The following KCNQ2 variants were observed in gnomAD, a reference collection of about 807,000 sequenced individuals.
KCNQ2 encodes potassium voltage-gated channel subfamily Q member 2, also known as potassium voltage-gated channel subfamily KQT member 2.
Under a neutral mutation model 84.8 loss-of-function variants are expected in KCNQ2, and 14 were observed. That is an observed-to-expected ratio of 0.17 (90% CI 0.11 to 0.26). The LOEUF (loss-of-function observed/expected upper bound fraction) is 0.26, where lower values mean the gene tolerates loss of function less well. Ranked by LOEUF, KCNQ2 falls within the 10% of genes least tolerant of loss-of-function variation. The probability of loss-of-function intolerance (pLI) is 1.00; values close to 1 mark genes in which losing one functional copy is unlikely to be tolerated. For synonymous variants in KCNQ2, 599 were observed against 554.1 expected (o/e 1.08, Z -1.14); for missense variants, 788 against 1,254.0 (o/e 0.63, Z 5.61).
intron 9 of KCNQ2, 27 bp from the exon 10 acceptor site, chr20:63,428,462 G>A (rs1323765629): frequency 4.5e-6 from 7 of 1,563,242 alleles, no homozygotes; most frequent in South Asian, 2.3e-5. Context: ...AGAGGGGAGT[G>A]AGCGTCTCAC....
At position 63,408,581 on chromosome 20, in the gene KCNQ2, G is replaced by C. The variant is rs899150809; in HGVS notation, c.1764-45C>G. On this transcript the variant is annotated intron_variant, in intron 15 of 16. Transcript: ENST00000359125. The surrounding 1 kb of genome is among the most constrained non-coding windows in gnomAD (Gnocchi z 5.0). ...CAAAGCATGAGTTCGGGTGGGTGCA[G>C]CAGGGCCCCTGCCCTCTCCTCCTGG... 1.5e-5 allele frequency: 24 copies of C among 1,602,794 alleles called. No individual in the cohort carries two copies. The highest frequency in any genetic ancestry group is 2.0e-5 in the Non-Finnish European group (24 of 1,176,770).
In KCNQ2 at chr20:63,400,308, G is replaced by A. The variant is rs2079783174; in HGVS notation, c.*6336C>T. 6 of 266,678 alleles carry A rather than the reference G, an allele frequency of 2.2e-5. No individual in the cohort carries two copies. Among genetic ancestry groups the A allele is most frequent in the African/African-American group, 4.4e-5 (2 of 45,350 alleles). The allele number at this position is 266,678 out of a possible 1,614,324, so 16.5% of individuals were successfully genotyped here. A position where few individuals can be genotyped will look rare whatever the true frequency, so the allele number is the denominator to read the frequency against. Reference sequence around the variant, plus strand: ...ATCCCCAGAACCTTCCACGGCCATCGCGGCCGCAGGACCCCACACCCGAAG... The same window carrying A: ...ATCCCCAGAACCTTCCACGGCCATCACGGCCGCAGGACCCCACACCCGAAG... On this transcript the variant is annotated 3_prime_UTR_variant, in exon 17 of 17. Transcript: ENST00000359125. This position sits in a 1 kb window ranked among gnomAD's most constrained non-coding sequence, Gnocchi z 8.7.
intron 12 of KCNQ2, among the ~76,000 whole-genome samples, chr20:63,416,611 C>T (rs2082516688): frequency 6.6e-6 from 1 of 152,172 alleles, no homozygotes; most frequent in East Asian, 1.9e-4. Context: ...GTGGGGAGGC[C>T]CCGCAGATCC....
Position 63,414,161 on chromosome 20 carries a change from C to T in KCNQ2, c.1558G>A (p.Asp520Asn), listed in dbSNP as rs756126867. The T allele has an allele frequency of 6.2e-7, 1 of 1,613,758 alleles. No individual in the cohort carries two copies. Among genetic ancestry groups the T allele is most frequent in the South Asian group, 1.1e-5 (1 of 91,082 alleles). ...ACAAACTCGCAGGGGCAGCTCTTGT[C>T]ATCCACAATGTCCTCTCCGGGGAGG... Reference protein sequence around the residue: ...ASLPGEDIVDDKSCPCEFVTE... With the variant: ...ASLPGEDIVDNKSCPCEFVTE... Residue 520 changes from aspartate (D) to asparagine (N), a missense_variant, in exon 14 of 17, where the codon GAC (aspartate) becomes AAC (asparagine). Physicochemically the swap from Asp to Asn is conservative, Grantham distance 23. Transcript: ENST00000359125. The surrounding 1 kb of genome is among the most constrained non-coding windows in gnomAD (Gnocchi z 6.6).
In KCNQ2 at chr20:63,443,200, CCAT is replaced by C. The variant is rs1322029108; in HGVS notation, c.691-672_691-670del. Among the ~76,000 whole-genome samples, 104 of 117,156 alleles carry C rather than the reference CCAT, an allele frequency of 8.9e-4. 1 individual carries two copies. Among genetic ancestry groups the C allele is most frequent in the East Asian group, 2.2e-3 (7 of 3,228 alleles). 76.9% of individuals were successfully genotyped at this position (117,156 alleles called of 152,430 possible). ...ACCATCACCATCACCACCACCACCA[CCAT>C]CACCACCACCACCATGATCACCACC... is the stretch of plus-strand genomic sequence containing the variant. On this transcript the variant is annotated intron_variant, in intron 4 of 16. Transcript: ENST00000359125.
rs758286975 is a variant in KCNQ2, at chr20:63,431,348, C to T, written c.1140G>A (p.Gly380=). The T allele has an allele frequency of 1.9e-6, 3 of 1,613,728 alleles. No homozygotes were observed. The highest frequency in any genetic ancestry group is 2.2e-5 in the South Asian group (2 of 91,086). ...PMYSSQTQTY[G]ASRLIPPLNQ... is the part of the protein sequence containing the mutation. Reference sequence around the variant, plus strand: ...GTCCATGCATTTCCTACCTGGAGGCCCCGTAGGTTTGAGTTTGCGAACTTT... The same window carrying T: ...GTCCATGCATTTCCTACCTGGAGGCTCCGTAGGTTTGAGTTTGCGAACTTT... The change falls in exon 9 of 17, where the codon GGG becomes GGA. Residue 380 remains glycine, a synonymous_variant. Transcript: ENST00000359125.
chr20:63,411,468 G>T (rs1275591104), intron 15 of KCNQ2, among the ~76,000 whole-genome samples: 2 of 152,194 alleles, frequency 1.3e-5, no homozygotes, highest in African/African-American at 2.4e-5. Flanking sequence ...GATCCTGGAG[G>T]TGCTGCCCGG....
At chr20:63,468,701 G>A (rs1279159635) in intron 1 of KCNQ2, among the ~76,000 whole-genome samples, 1 of 152,250 alleles carries the variant, frequency 6.6e-6, no homozygotes, top group Non-Finnish European at 1.5e-5. Context: ...CTGAGGCCTG[G>A]CGCAAAAGCC....
rs551685558 is a variant in KCNQ2, at chr20:63,452,545, G to A, written c.297-5708C>T. Among the ~76,000 whole-genome samples, 14 of 152,344 alleles carry A rather than the reference G, an allele frequency of 9.2e-5. No homozygotes were observed. In the East Asian group the frequency reaches 1.7e-3, roughly 19 times the overall value. ...CGAGGCAGGTGCGTGGCCACCAGCCGGGCACCATGGCGCAGCTGCGTGTAT... is the reference window on the plus strand; with the variant it reads ...CGAGGCAGGTGCGTGGCCACCAGCCAGGCACCATGGCGCAGCTGCGTGTAT... On this transcript the variant is annotated intron_variant, in intron 1 of 16. Transcript: ENST00000359125.
Position 63,442,456 on chromosome 20 carries a change from C to A in KCNQ2, c.766G>T (p.Gly256Trp). 1 of 1,613,872 alleles carries A rather than the reference C, an allele frequency of 6.2e-7. No individual in the cohort carries two copies. Among genetic ancestry groups the A allele is most frequent in the South Asian group, 1.1e-5 (1 of 91,072 alleles). The change falls in exon 5 of 17, where the codon GGG (glycine) becomes TGG (tryptophan). Residue 256 changes from glycine to tryptophan, a missense_variant. By Grantham distance (184) the Gly-to-Trp change is radical. This residue lies in a region of KCNQ2 where 18 missense variants were observed against 166.0 expected (regional missense o/e 0.11). Coordinates refer to ENST00000359125, the MANE Select transcript of KCNQ2 (RefSeq NM_172107.4). ...ASFLVYLAEKGENDHFDTYAD... is the reference protein window; with the variant it reads ...ASFLVYLAEKWENDHFDTYAD... Reference sequence around the variant, plus strand: ...TAGGTGTCAAAGTGGTCGTTCTCCCCCTTCTCTGCCAAGTACACCAGGAAC... The same window carrying A: ...TAGGTGTCAAAGTGGTCGTTCTCCCACTTCTCTGCCAAGTACACCAGGAAC...
chr20:63,443,457 T>C (rs1022448442), intron 4 of KCNQ2, among the ~76,000 whole-genome samples: 285 of 26,564 alleles, frequency 0.011, 1 homozygote, highest in East Asian at 0.028. Context: ...ACCATCACCA[T>C]CACCACCATC....
rs1442940362 is a variant in KCNQ2 at position 63,408,590 on chromosome 20, C to T, written c.1764-54G>A. 13 of 1,595,500 alleles carry T rather than the reference C, an allele frequency of 8.1e-6. No individual in the cohort carries two copies. The South Asian group carries it at 1.4e-4, about 17-fold the overall frequency. On this transcript the variant is annotated intron_variant, in intron 15 of 16. Coordinates refer to ENST00000359125, the MANE Select transcript of KCNQ2 (RefSeq NM_172107.4). This position sits in a 1 kb window ranked among gnomAD's most constrained non-coding sequence, Gnocchi z 5.0. The stretch of plus-strand genomic sequence containing the variant: ...AGTTCGGGTGGGTGCAGCAGGGCCC[C>T]TGCCCTCTCCTCCTGGACCAGGCCA...
At chr20:63,452,181 C>T (rs867795301) in intron 1 of KCNQ2, among the ~76,000 whole-genome samples, 1 of 141,714 alleles carries the variant, frequency 7.1e-6, no homozygotes, top group Non-Finnish European at 1.5e-5. Flanking sequence ...GGGGCCAAAG[C>T]CACATTTTAA....
intron 15 of KCNQ2, among the ~76,000 whole-genome samples, chr20:63,410,216 C>G (rs1186145211): frequency 1.3e-5 from 2 of 152,186 alleles, no homozygotes; most frequent in Non-Finnish European, 1.5e-5. Context: ...ACAGTCCAGG[C>G]AGATGCTCAG....
Position 63,472,394 on chromosome 20 carries a change from A to T in KCNQ2, c.70T>A (p.Phe24Ile). The change falls in exon 1 of 17, where the codon TTC becomes ATC. Residue 24 changes from phenylalanine to isoleucine, a missense_variant. Phe to Ile is a conservative substitution (Grantham distance 21). Coordinates refer to ENST00000359125, the MANE Select transcript of KCNQ2 (RefSeq NM_172107.4). ...PSGEKKLKVG[F>I]VGLDPGAPDS... ...GGCGCGCCGGGGTCCAGCCCCACGA[A>T]GCCCACCTTCAGCTTCTTCTCCCCG... 1 of 1,537,586 alleles carries T rather than the reference A, an allele frequency of 6.5e-7. No individual in the cohort carries two copies. The highest frequency in any genetic ancestry group is 8.7e-7 in the Non-Finnish European group (1 of 1,145,130).
intron 12 of KCNQ2, among the ~76,000 whole-genome samples, chr20:63,417,998 C>T (rs1194206728): frequency 6.6e-6 from 1 of 152,206 alleles, no homozygotes; most frequent in Non-Finnish European, 1.5e-5. Flanking sequence ...GCGAGGGAGG[C>T]TCTGCCAGGA....
chr20:63,426,351 G>T (rs1157955078), intron 10 of KCNQ2, among the ~76,000 whole-genome samples: 2 of 152,228 alleles, frequency 1.3e-5, no homozygotes, highest in African/African-American at 4.8e-5. Flanking sequence ...TTCAGCATGA[G>T]GCTGTCTGGC....
intron 14 of KCNQ2, 42 bp from the exon 15 acceptor site, chr20:63,413,623 C>T (rs752084938): frequency 1.2e-6 from 2 of 1,609,530 alleles, no homozygotes; most frequent in African/African-American, 2.7e-5. Context: ...GGGCCAGAGA[C>T]CCCCGGCCAC....
At chr20:63,419,758 C>A in intron 11 of KCNQ2, 86 bp from the exon 12 acceptor site, 1 of 1,250,094 alleles carries the variant, frequency 8.0e-7, no homozygotes, top group East Asian at 2.4e-5. Flanking sequence ...TGCAACCACC[C>A]AGGGTGTTGT....
Sources: gnomAD v4.1 joint callset for allele counts (sites outside exome capture counted in the v4.1 genomes callset) on GRCh38, gnomAD v4.1.1 for gene constraint, gnomAD v4.1.1 regional missense constraint, Gnocchi (gnomAD v3.1) non-coding constraint, MANE v1.5 for transcripts, NCBI Gene and HGNC (gene_info 2026-07-23, HGNC 2026-07-21) for gene names.